The following PLEKHA7 variants were observed in gnomAD, a reference collection of about 807,000 sequenced individuals.
PLEKHA7 encodes the protein pleckstrin homology domain containing A7.
Under a neutral mutation model 170.0 loss-of-function variants are expected in PLEKHA7, and 104 were observed. The observed-to-expected ratio is 0.61, with a 90% CI of 0.52 to 0.72. The LOEUF (loss-of-function observed/expected upper bound fraction) is 0.72. PLEKHA7 is among the 30% of genes least tolerant of loss of function. The pLI is 0.00. For missense variants in PLEKHA7, 1,615 were observed against 1,671.7 expected, an observed-to-expected ratio of 0.97 and a Z score of 0.59; for synonymous variants, 648 against 660.8, an observed-to-expected ratio of 0.98 and a Z score of 0.30.
chr11:16,936,411 A>AAAAAAAC, intron 3 of PLEKHA7, among the ~76,000 whole-genome samples: 1 of 118,142 alleles, frequency 8.5e-6, no homozygotes, highest in Non-Finnish European at 1.7e-5. Context: ...CAAAAAAAAA[A>AAAAAAAC]AAAAAAAAAA....
At chr11:16,794,377 G>A (rs1451005114) in intron 19 of PLEKHA7, 111 bp downstream of exon 19, 12 of 1,044,458 alleles carry the variant, frequency 1.1e-5, no homozygotes, top group East Asian at 4.8e-5. Flanking sequence ...CCTTTAGGAC[G>A]CTGGCTGGGT....
intron 3 of PLEKHA7, among the ~76,000 whole-genome samples, chr11:16,986,820 C>T (rs192536180): frequency 1.3e-5 from 2 of 152,182 alleles, no homozygotes; most frequent in Non-Finnish European, 2.9e-5. Context: ...ATCAGCTCTG[C>T]ATAGCTTTAT....
rs570126938 is a variant in PLEKHA7 at position 16,883,245 on chromosome 11, C to T, written c.222-12063G>A. On this transcript the variant is annotated intron_variant, in intron 3 of 26. Coordinates refer to ENST00000531066, the MANE Select transcript of PLEKHA7 (RefSeq NM_001329630.2). ...GAAGTTGGCAAGCTTCGAAGACTCA[C>T]ACTCTTAAGAGTGGAGGAACAGGAA... 3.3e-5 allele frequency among the ~76,000 whole-genome samples: 5 copies of T among 152,228 alleles called. No individual in the cohort carries two copies. The South Asian group carries it at 8.3e-4, about 25-fold the overall frequency.
intron 3 of PLEKHA7, among the ~76,000 whole-genome samples, chr11:16,901,267 C>T (rs1345810388): frequency 1.3e-5 from 2 of 152,172 alleles, no homozygotes. Context: ...TCTAGGAAAG[C>T]AGAGAGCTGA....
chr11:16,985,920 A>G (rs1863699039), intron 3 of PLEKHA7, among the ~76,000 whole-genome samples: 1 of 152,262 alleles, frequency 6.6e-6, no homozygotes, highest in African/African-American at 2.4e-5. Context: ...AGCACTGCTA[A>G]CTAAATGAAT....
chr11:17,006,972 C>G (rs890719005), intron 3 of PLEKHA7, among the ~76,000 whole-genome samples: 6 of 152,204 alleles, frequency 3.9e-5, no homozygotes, highest in African/African-American at 1.4e-4. Flanking sequence ...AAACACACAC[C>G]CTTGATACTT....
In PLEKHA7 at chr11:16,876,273, T is replaced by C. The variant is rs139005210; in HGVS notation, c.222-5091A>G. Among the ~76,000 whole-genome samples the C allele has an allele frequency of 3.3e-5, 5 of 152,370 alleles. No individual in the cohort carries two copies. The East Asian group carries it at 7.7e-4, about 23-fold the overall frequency. ...ATTGCTACCTTGCTCTATGGTAGTATAGAGATGGCCCGGCTGAGAGCCAAG... is the reference window on the plus strand; with the variant it reads ...ATTGCTACCTTGCTCTATGGTAGTACAGAGATGGCCCGGCTGAGAGCCAAG... On this transcript the variant is annotated intron_variant, in intron 3 of 26. Transcript: ENST00000531066.
In PLEKHA7 at chr11:16,826,366, G is replaced by A. The variant is rs1356472467; in HGVS notation, c.1097C>T (p.Ser366Leu). The A allele has an allele frequency of 6.8e-6, 11 of 1,614,128 alleles. No individual in the cohort carries two copies. Among genetic ancestry groups the A allele is most frequent in the South Asian group, 2.2e-5 (2 of 91,086 alleles). Residue 366 changes from serine (S) to leucine (L), a missense_variant, in exon 10 of 27, where the codon TCG (serine) becomes TTG (leucine). Ser to Leu is a moderately radical substitution (Grantham distance 145). Coordinates refer to ENST00000531066, the MANE Select transcript of PLEKHA7 (RefSeq NM_001329630.2). ...RDRSKARSPY[S>L]PAEEDALFMD... Reference sequence around the variant, plus strand: ...AAACAAGGCATCCTCCTCGGCTGGCGAGTACGGAGACCTGGCCTTGCTCCG... The same window carrying A: ...AAACAAGGCATCCTCCTCGGCTGGCAAGTACGGAGACCTGGCCTTGCTCCG...
intron 10 of PLEKHA7, among the ~76,000 whole-genome samples, chr11:16,821,490 G>C (rs1292571041): frequency 6.6e-6 from 1 of 152,158 alleles, no homozygotes; most frequent in Non-Finnish European, 1.5e-5. Flanking sequence ...TCTCCAATTA[G>C]AAATACTTCC....
intron 9 of PLEKHA7, among the ~76,000 whole-genome samples, chr11:16,827,473 C>T (rs1463823096): frequency 6.6e-6 from 1 of 152,208 alleles, no homozygotes; most frequent in Non-Finnish European, 1.5e-5. Context: ...CTTTGCTCTA[C>T]TGCCTCTCCA....
intron 3 of PLEKHA7, among the ~76,000 whole-genome samples, chr11:16,909,288 TCTCA>T (rs1858081691): frequency 6.6e-6 from 1 of 152,218 alleles, no homozygotes; most frequent in South Asian, 2.1e-4. Flanking sequence ...AGCTTCAGTT[TCTCA>T]GTCTTTCTAT....
At chr11:16,798,288 GT>G (rs751855616) in intron 17 of PLEKHA7, among the ~76,000 whole-genome samples, 3 of 152,210 alleles carry the variant, frequency 2.0e-5, no homozygotes, top group Non-Finnish European at 4.4e-5. Flanking sequence ...GCAGGGCTTT[GT>G]TAGCTTCCCA....
At chr11:16,958,864 G>C (rs1162337472) in intron 3 of PLEKHA7, among the ~76,000 whole-genome samples, 1 of 151,910 alleles carries the variant, frequency 6.6e-6, no homozygotes, top group Non-Finnish European at 1.5e-5. Context: ...GAAGAAAGAT[G>C]AACACTGTAA....
At chr11:16,803,152 C>T in intron 14 of PLEKHA7, 75 bp downstream of exon 14, 4 of 1,567,874 alleles carry the variant, frequency 2.6e-6, no homozygotes, top group Non-Finnish European at 3.5e-6. Flanking sequence ...CCATCCAAGC[C>T]CTGCCTGAAG....
chr11:16,883,223 G>A (rs1463815268), intron 3 of PLEKHA7, among the ~76,000 whole-genome samples: 1 of 152,168 alleles, frequency 6.6e-6, no homozygotes, highest in Non-Finnish European at 1.5e-5. Flanking sequence ...ACCAGCAGAA[G>A]TTGGCAAGCT....
intron 3 of PLEKHA7, among the ~76,000 whole-genome samples, chr11:16,964,111 T>C (rs77327376): frequency 0.011 from 1,624 of 152,356 alleles, 16 homozygotes; most frequent in South Asian, 0.023. Flanking sequence ...CATGATGTCT[T>C]TGAAGTTCCT....
At chr11:16,825,017 G>A (rs1268410974) in intron 10 of PLEKHA7, among the ~76,000 whole-genome samples, 1 of 152,224 alleles carries the variant, frequency 6.6e-6, no homozygotes, top group African/African-American at 2.4e-5. Context: ...TTGGGAATGG[G>A]AAGGTGTCTT....
At chr11:17,004,575 T>G (rs1282747473) in intron 3 of PLEKHA7, among the ~76,000 whole-genome samples, 76 of 152,058 alleles carry the variant, frequency 5.0e-4, no homozygotes, top group Non-Finnish European at 4.4e-5. Context: ...GTATTTTTAG[T>G]AGAGATGAGG....
chr11:16,940,273 C>T (rs909406067), intron 3 of PLEKHA7, among the ~76,000 whole-genome samples: 28 of 141,364 alleles, frequency 2.0e-4, no homozygotes, highest in Non-Finnish European at 4.0e-4. Context: ...CAGATCTTTT[C>T]TTCTGCTGTT....
Sources: gnomAD v4.1 joint callset for allele counts (sites outside exome capture counted in the v4.1 genomes callset) on GRCh38, gnomAD v4.1.1 for gene constraint, MANE v1.5 for transcripts, NCBI Gene and HGNC (gene_info 2026-07-23, HGNC 2026-07-21) for gene names.